The following OR2G6 variants were observed in gnomAD, a reference collection of about 807,000 sequenced individuals.
The protein encoded by OR2G6 is olfactory receptor 2G6.
For missense variants in OR2G6, 457 were observed against 391.3 expected (o/e 1.17, Z -1.42); for synonymous variants, 183 against 155.2 (o/e 1.18, Z -1.33).
At chr1:248,520,437 G>A (rs1007343015) in intron 1 of OR2G6, among the ~76,000 whole-genome samples, 1 of 152,148 alleles carries the variant, frequency 6.6e-6, no homozygotes, top group Non-Finnish European at 1.5e-5. Flanking sequence ...AGTTTGCTTT[G>A]GCTTTCGATG....
Position 248,522,835 on chromosome 1 carries a change from A to G in OR2G6, c.*238A>G, listed in dbSNP as rs1337696006. 1 of 479,868 alleles carries G rather than the reference A, an allele frequency of 2.1e-6. No individual in the cohort carries two copies. 29.7% of individuals were successfully genotyped at this position (479,868 alleles called of 1,614,324 possible). ...ATTCTAAAGAAGAGAAACACACCAA[A>G]GCAGCATGAGGGTTCATCCTCCCAG... On this transcript the variant is annotated 3_prime_UTR_variant, in exon 2 of 2. Coordinates refer to ENST00000641804, the MANE Select transcript of OR2G6 (RefSeq NM_001013355.2).
chr1:248,520,973 G>A (rs931281145), intron 1 of OR2G6, among the ~76,000 whole-genome samples: 36 of 148,976 alleles, frequency 2.4e-4, no homozygotes, highest in Non-Finnish European at 4.6e-4. Context: ...GAACGTGGGA[G>A]GTGGTTTGCA....
rs1269204095 is a variant in OR2G6 at position 248,525,203 on chromosome 1, T to TA, written c.*2608dup. 6.6e-6 allele frequency: 1 copy of TA among 152,184 alleles called. No individual in the cohort carries two copies. Among genetic ancestry groups the TA allele is most frequent in the African/African-American group, 2.4e-5 (1 of 41,464 alleles). The allele number at this position is 152,184 out of a possible 1,614,324, so 9.4% of individuals were successfully genotyped here. Reference sequence around the variant, plus strand: ...GCATACTTTTGTTTGTGAATGCTTATAATTATGTACTTATAATGTATTTTA... The same window carrying TA: ...GCATACTTTTGTTTGTGAATGCTTATAAATTATGTACTTATAATGTATTTTA... On this transcript the variant is annotated 3_prime_UTR_variant, in exon 2 of 2. Coordinates refer to ENST00000641804, the MANE Select transcript of OR2G6 (RefSeq NM_001013355.2).
In OR2G6 at chr1:248,527,307, G is replaced by A. The variant is rs1340258923; in HGVS notation, c.*4710G>A. 6.6e-6 allele frequency: 1 copy of A among 152,170 alleles called. No homozygotes were observed. 9.4% of individuals were successfully genotyped at this position (152,170 alleles called of 1,614,324 possible). A position where few individuals can be genotyped will look rare whatever the true frequency, so the allele number is the denominator to read the frequency against. ...TCAAAGATCAGATAGTTGAAGATGTGTGGTATTATTTCGGAGGGTTCTGTT... is the reference window on the plus strand; with the variant it reads ...TCAAAGATCAGATAGTTGAAGATGTATGGTATTATTTCGGAGGGTTCTGTT... On this transcript the variant is annotated 3_prime_UTR_variant, in exon 2 of 2. Transcript: ENST00000641804.
At position 248,523,941 on chromosome 1, in the gene OR2G6, A is replaced by T. The variant is rs1664345552; in HGVS notation, c.*1344A>T. The T allele has an allele frequency of 1.3e-5, 2 of 152,138 alleles. No individual in the cohort carries two copies. Among genetic ancestry groups the T allele is most frequent in the South Asian group, 4.2e-4 (2 of 4,816 alleles). 9.4% of individuals were successfully genotyped at this position (152,138 alleles called of 1,614,324 possible). ...GAAGTGGAATTTTCAAGTGATTTAG[A>T]CTTTTCTTTTTTGGACAGGGTCTTG... On this transcript the variant is annotated 3_prime_UTR_variant, in exon 2 of 2. Transcript: ENST00000641804.
Position 248,522,028 on chromosome 1 carries a change from C to CATACAT in OR2G6, c.382_383insATACAT (p.Arg128delinsHisThrTrp), listed in dbSNP as rs749484504. ...TTATGACCGCTATGCTGCTGTCTGCCGGCCACTGCGCTACATAGCCATTAT... is the reference window on the plus strand; with the variant it reads ...TTATGACCGCTATGCTGCTGTCTGCCATACATGGCCACTGCGCTACATAGCCATTAT... On this transcript the variant is annotated protein_altering_variant, in exon 2 of 2. Transcript: ENST00000641804. 9.9e-6 allele frequency: 16 copies of CATACAT among 1,614,154 alleles called. No homozygotes were observed. The highest frequency in any genetic ancestry group is 1.4e-5 in the Non-Finnish European group (16 of 1,180,034).
chr1:248,520,455 A>G (rs1256641591), intron 1 of OR2G6, among the ~76,000 whole-genome samples: 1 of 152,206 alleles, frequency 6.6e-6, no homozygotes, highest in Non-Finnish European at 1.5e-5. Context: ...ATGTAATTCT[A>G]CTTAGACAAC....
Position 248,522,082 on chromosome 1 carries a change from G to A in OR2G6, c.436G>A (p.Gly146Ser), listed in dbSNP as rs138211669. 3.2e-5 allele frequency: 52 copies of A among 1,613,980 alleles called. No homozygotes were observed. Among genetic ancestry groups the A allele is most frequent in the South Asian group, 2.0e-4 (18 of 91,076 alleles). The change falls in exon 2 of 2, where the codon GGT becomes AGT. Residue 146 changes from glycine (G) to serine (S), a missense_variant. Coordinates refer to ENST00000641804, the MANE Select transcript of OR2G6 (RefSeq NM_001013355.2). ...CCCCAGGTTCTGTGCGTCTCTGGCC[G>A]GTGGAGCATGGCTCAGCGGCCTCAT... ...MHPRFCASLA[G>S]GAWLSGLITS...
intron 1 of OR2G6, among the ~76,000 whole-genome samples, chr1:248,519,463 A>C (rs1558370601): frequency 6.6e-6 from 1 of 150,962 alleles, no homozygotes; most frequent in Admixed American, 6.6e-5. Flanking sequence ...TTATTGTTTT[A>C]GGTCTAACAT....
rs200155573 is a variant in OR2G6, at chr1:248,522,804, A to AC, written c.*207_*208insC. On this transcript the variant is annotated 3_prime_UTR_variant, in exon 2 of 2. Transcript: ENST00000641804. ...CCCAAAGCCACAGGGACTAGGAAGC[A>AC]TTGGAATTCTAAAGAAGAGAAACAC... is the stretch of plus-strand genomic sequence containing the variant. 3,562 of 531,314 alleles carry AC rather than the reference A, an allele frequency of 6.7e-3. 111 individuals are homozygous for AC. Among genetic ancestry groups the AC allele is most frequent in the African/African-American group, 0.059 (3,063 of 51,634 alleles). The allele number at this position is 531,314 out of a possible 1,614,324, so 32.9% of individuals were successfully genotyped here.
At chr1:248,519,978 T>TAA (rs397756903) in intron 1 of OR2G6, among the ~76,000 whole-genome samples, 5 of 151,426 alleles carry the variant, frequency 3.3e-5, no homozygotes, top group Non-Finnish European at 5.9e-5. Context: ...CATGGACACA[T>TAA]GTTTATTGTG....
chr1:248,520,183 C>CAA (rs1408518380), intron 1 of OR2G6, among the ~76,000 whole-genome samples: 1 of 152,126 alleles, frequency 6.6e-6, no homozygotes, highest in Non-Finnish European at 1.5e-5. Context: ...AACAGAAAAG[C>CAA]AAACATCGCA....
In OR2G6 at chr1:248,522,205, C is replaced by G; in HGVS notation, c.559C>G (p.Leu187Val). 1 of 1,614,166 alleles carries G rather than the reference C, an allele frequency of 6.2e-7. No individual in the cohort carries two copies. Among genetic ancestry groups the G allele is most frequent in the Non-Finnish European group, 8.5e-7 (1 of 1,180,028 alleles). Residue 187 changes from leucine (L) to valine (V), a missense_variant, in exon 2 of 2, where the codon CTG becomes GTG. Coordinates refer to ENST00000641804, the MANE Select transcript of OR2G6 (RefSeq NM_001013355.2). The stretch of plus-strand genomic sequence containing the variant: ...CTGTGAGGTGCCAGTGCTCATCAAA[C>G]TGGCCTGTGTGGATACGACTTTCAA... ...IFCEVPVLIK[L>V]ACVDTTFNEA... is the part of the protein sequence containing the mutation.
chr1:248,527,267 G>C lies in OR2G6; in HGVS notation c.*4670G>C, dbSNP rs1438121714. 1 of 151,956 alleles carries C rather than the reference G, an allele frequency of 6.6e-6. No homozygotes were observed. The highest frequency in any genetic ancestry group is 2.4e-5 in the African/African-American group (1 of 41,382). 9.4% of individuals were successfully genotyped at this position (151,956 alleles called of 1,614,324 possible). On this transcript the variant is annotated 3_prime_UTR_variant, in exon 2 of 2. Transcript: ENST00000641804. ...ATAGGGAATCCTTTCCCTATTTCTT[G>C]TTTTGTCAGGTTTGTCAAAGATCAG...
At position 248,523,278 on chromosome 1, in the gene OR2G6, C is replaced by CAACAT. The variant is rs1664329232; in HGVS notation, c.*681_*682insAACAT. ...CCACTCTATTGGCTTATTTACAACA[C>CAACAT]GAGAAACACAAATATTAAGAGTTGT... On this transcript the variant is annotated 3_prime_UTR_variant, in exon 2 of 2. Coordinates refer to ENST00000641804, the MANE Select transcript of OR2G6 (RefSeq NM_001013355.2). The CAACAT allele has an allele frequency of 6.6e-6, 1 of 151,984 alleles. No homozygotes were observed. Among genetic ancestry groups the CAACAT allele is most frequent in the Non-Finnish European group, 1.5e-5 (1 of 68,004 alleles). The allele number at this position is 151,984 out of a possible 1,614,324, so 9.4% of individuals were successfully genotyped here. A position where few individuals can be genotyped will look rare whatever the true frequency, so the allele number is the denominator to read the frequency against.
chr1:248,521,410 T>G (rs1417636755), intron 1 of OR2G6, among the ~76,000 whole-genome samples: 1 of 152,166 alleles, frequency 6.6e-6, no homozygotes, highest in East Asian at 1.9e-4. Context: ...AATACAATAC[T>G]TTTGTTGTTT....
chr1:248,520,854 AAATAT>A (rs1664268417), intron 1 of OR2G6, among the ~76,000 whole-genome samples: 1 of 145,796 alleles, frequency 6.9e-6, no homozygotes, highest in African/African-American at 2.6e-5. Flanking sequence ...TACTAAAAAA[AAATAT>A]ATATATATAT....
Position 248,522,452 on chromosome 1 carries a change from A to G in OR2G6, c.806A>G (p.Asn269Ser). The change falls in exon 2 of 2, where the codon AAC becomes AGC. Residue 269 changes from asparagine (N) to serine (S), a missense_variant. Coordinates refer to ENST00000641804, the MANE Select transcript of OR2G6 (RefSeq NM_001013355.2). The stretch of plus-strand genomic sequence containing the variant: ...CAACCGGCCAATAGGAGATCCAAAA[A>G]CCAGGGAAAGTTTGTTTCTCTTTTC... ...YLQPANRRSK[N>S]QGKFVSLFYT... 1 of 1,614,104 alleles carries G rather than the reference A, an allele frequency of 6.2e-7. No individual in the cohort carries two copies.
chr1:248,524,145 C>T lies in OR2G6; in HGVS notation c.*1548C>T, dbSNP rs1481251672. ...TTAAGGATAACGTTTGGACCTGCCT[C>T]TCCTACCAAAGCCTGGACTGAAGGC... On this transcript the variant is annotated 3_prime_UTR_variant, in exon 2 of 2. Coordinates refer to ENST00000641804, the MANE Select transcript of OR2G6 (RefSeq NM_001013355.2). 6.6e-6 allele frequency: 1 copy of T among 152,306 alleles called. No individual in the cohort carries two copies. The highest frequency in any genetic ancestry group is 6.5e-5 in the Admixed American group (1 of 15,278). The allele number at this position is 152,306 out of a possible 1,614,324, so 9.4% of individuals were successfully genotyped here. A position where few individuals can be genotyped will look rare whatever the true frequency, so the allele number is the denominator to read the frequency against.
Sources: gnomAD v4.1 joint callset for allele counts (sites outside exome capture counted in the v4.1 genomes callset) on GRCh38, gnomAD v4.1.1 for gene constraint, MANE v1.5 for transcripts, NCBI Gene and HGNC (gene_info 2026-07-23, HGNC 2026-07-21) for gene names.